Variants in CACNA1B observed in about 807,000 individuals in gnomAD.
The protein encoded by CACNA1B is calcium voltage-gated channel subunit alpha1 B.
In CACNA1B, 70 loss-of-function variants were observed where a neutral mutation model predicts 247.2. That is an observed-to-expected ratio of 0.28 (90% CI 0.23 to 0.35). The LOEUF is 0.35. CACNA1B is among the 10% of genes least tolerant of loss of function. CACNA1B has a pLI of 1.00. For missense variants in CACNA1B, 2,367 were observed against 3,197.4 expected, an observed-to-expected ratio of 0.74 and a Z score of 6.26; for synonymous variants, 1,231 against 1,294.4, an observed-to-expected ratio of 0.95 and a Z score of 1.05.
At chr9:138,013,406 G>T (rs1246937254) in intron 18 of CACNA1B, among the ~76,000 whole-genome samples, 171 bp downstream of exon 18, 1 of 152,090 alleles carries the variant, frequency 6.6e-6, no homozygotes, top group African/African-American at 2.4e-5. Context: ...GGGGCTCCAG[G>T]GCTTTTTCTC....
At position 138,072,222 on chromosome 9, in the gene CACNA1B, C is replaced by G. The variant is rs564372254; in HGVS notation, c.4675-1266C>G. On this transcript the variant is annotated intron_variant, in intron 32 of 46. Transcript: ENST00000371372. This position sits in a 1 kb window ranked among gnomAD's most constrained non-coding sequence, Gnocchi z 4.5. ...TCCTGCTCCCACAGTTGCAGCATCCCGCCTGAGAGCCAGTACCTCGAGTTG... is the reference window on the plus strand; with the variant it reads ...TCCTGCTCCCACAGTTGCAGCATCCGGCCTGAGAGCCAGTACCTCGAGTTG... Among the ~76,000 whole-genome samples, 1 of 152,316 alleles carries G rather than the reference C, an allele frequency of 6.6e-6. No individual in the cohort carries two copies. The highest frequency in any genetic ancestry group is 2.4e-5 in the African/African-American group (1 of 41,586).
intron 36 of CACNA1B, among the ~76,000 whole-genome samples, chr9:138,091,378 G>A (rs1192990064): frequency 6.6e-6 from 1 of 152,196 alleles, no homozygotes; most frequent in African/African-American, 2.4e-5. Context: ...GGTTACTAGA[G>A]GCAGGGAAGG....
In CACNA1B at chr9:137,971,806, CAGAA is replaced by C. The variant is rs1004292880; in HGVS notation, c.1543+217_1543+220del. Among the ~76,000 whole-genome samples, 1 of 152,144 alleles carries C rather than the reference CAGAA, an allele frequency of 6.6e-6. No individual in the cohort carries two copies. Among genetic ancestry groups the C allele is most frequent in the Non-Finnish European group, 1.5e-5 (1 of 68,014 alleles). On this transcript the variant is annotated intron_variant, in intron 11 of 46. Coordinates refer to ENST00000371372, the MANE Select transcript of CACNA1B (RefSeq NM_000718.4). This position sits in a 1 kb window ranked among gnomAD's most constrained non-coding sequence, Gnocchi z 4.4. ...GGTGGCCTCTCCAGCCCCTGGGTTCCAGAAAGCACAGCTGGATCTGCTAGACCCC... is the reference window on the plus strand; with the variant it reads ...GGTGGCCTCTCCAGCCCCTGGGTTCCAGCACAGCTGGATCTGCTAGACCCC...
chr9:137,905,591 A>G (rs1478777811), intron 3 of CACNA1B, among the ~76,000 whole-genome samples: 3 of 152,182 alleles, frequency 2.0e-5, no homozygotes, highest in Non-Finnish European at 2.9e-5. Context: ...ATTTGCTTCA[A>G]TGGTTCAATA....
At chr9:137,960,704 G>A (rs1445097833) in intron 10 of CACNA1B, among the ~76,000 whole-genome samples, 3 of 152,012 alleles carry the variant, frequency 2.0e-5, no homozygotes, top group Admixed American at 6.5e-5. Flanking sequence ...GCTGTCGGTA[G>A]CGGTCGAGGA....
chr9:138,040,389 C>T (rs1959103071), intron 20 of CACNA1B, among the ~76,000 whole-genome samples: 1 of 151,694 alleles, frequency 6.6e-6, no homozygotes, highest in Non-Finnish European at 1.5e-5. Flanking sequence ...TCATATATGA[C>T]TGATCTTAAT....
At chr9:137,936,793 T>C (rs966566877) in intron 6 of CACNA1B, among the ~76,000 whole-genome samples, 3 of 152,332 alleles carry the variant, frequency 2.0e-5, no homozygotes, top group African/African-American at 7.2e-5. Flanking sequence ...TGGTTGTAGA[T>C]GTATGGTGTT....
In CACNA1B at chr9:137,928,806, T is replaced by G. The variant is rs141956456; in HGVS notation, c.966+11375T>G. 4.8e-3 allele frequency among the ~76,000 whole-genome samples: 731 copies of G among 152,302 alleles called. 9 individuals carry two copies. The highest frequency in any genetic ancestry group is 0.016 in the African/African-American group (682 of 41,550). On this transcript the variant is annotated intron_variant, in intron 6 of 46. Transcript: ENST00000371372. Reference sequence around the variant, plus strand: ...TCCCTATTTCCTTATTCCCACAGCCTCTGGCAAGCACTAACCTTTCTGTCT... The same window carrying G: ...TCCCTATTTCCTTATTCCCACAGCCGCTGGCAAGCACTAACCTTTCTGTCT...
In CACNA1B at chr9:137,986,880, C is replaced by T. The variant is rs751475813; in HGVS notation, c.1974+26C>T. ...GTAAGGCACCTGCTCTGCACATTTG[C>T]GGCCTGCCCGGCTCCCGTCTCCCCT... On this transcript the variant is annotated intron_variant, in intron 15 of 46. Coordinates refer to ENST00000371372, the MANE Select transcript of CACNA1B (RefSeq NM_000718.4). The surrounding 1 kb of genome is among the most constrained non-coding windows in gnomAD (Gnocchi z 6.0). The T allele has an allele frequency of 1.2e-5, 19 of 1,553,260 alleles. No homozygotes were observed. Among genetic ancestry groups the T allele is most frequent in the African/African-American group, 2.7e-5 (2 of 73,376 alleles).
chr9:137,940,142 G>T (rs1398228069), intron 6 of CACNA1B, among the ~76,000 whole-genome samples: 1 of 152,044 alleles, frequency 6.6e-6, no homozygotes, highest in Admixed American at 6.6e-5. Context: ...CTAGTTCTTT[G>T]ATAAGGTAAA....
At chr9:137,987,948 T>A (rs1229889132) in intron 15 of CACNA1B, among the ~76,000 whole-genome samples, 3 of 152,232 alleles carry the variant, frequency 2.0e-5, no homozygotes, top group African/African-American at 4.8e-5. Context: ...GCTGTTGTCA[T>A]CCCTTCTTCC....
intron 15 of CACNA1B, among the ~76,000 whole-genome samples, chr9:137,992,931 A>T (rs550646334): frequency 6.6e-6 from 1 of 152,208 alleles, no homozygotes; most frequent in Admixed American, 6.5e-5. Context: ...CTCCTGAATG[A>T]TTTTTGGGTT....
intron 10 of CACNA1B, among the ~76,000 whole-genome samples, chr9:137,960,281 C>G (rs1439783912): frequency 9.0e-6 from 1 of 110,774 alleles, no homozygotes; most frequent in Non-Finnish European, 1.9e-5. Context: ...AAGGGAGGTC[C>G]GGGGAGAGGG....
chr9:138,057,602 T>C lies in CACNA1B; in HGVS notation c.3969-130T>C, dbSNP rs1589101912. The stretch of plus-strand genomic sequence containing the variant: ...ACATTCATTCTTCTGCATGTGGACA[T>C]CCAGTTTTCCCAGCACAGTCTGTTG... On this transcript the variant is annotated intron_variant, in intron 26 of 46. Transcript: ENST00000371372. The surrounding 1 kb of genome is among the most constrained non-coding windows in gnomAD (Gnocchi z 4.0). 1.3e-6 allele frequency: 1 copy of C among 796,866 alleles called. No individual in the cohort carries two copies. Among genetic ancestry groups the C allele is most frequent in the South Asian group, 2.1e-5 (1 of 46,670 alleles). 49.4% of individuals were successfully genotyped at this position (796,866 alleles called of 1,614,324 possible).
rs377215803 is a variant in CACNA1B at position 137,919,800 on chromosome 9, G to A, written c.966+2369G>A. 4.0e-4 allele frequency among the ~76,000 whole-genome samples: 61 copies of A among 152,296 alleles called. 1 individual carries two copies. The East Asian group carries it at 9.3e-3, about 23-fold the overall frequency. ...GCAGCCAGGACCGGGTGAGTGATGG[G>A]GTCTCAGAGTGGATTGCTGAAAAGC... On this transcript the variant is annotated intron_variant, in intron 6 of 46. Transcript: ENST00000371372. This position sits in a 1 kb window ranked among gnomAD's most constrained non-coding sequence, Gnocchi z 4.6.
Position 137,881,114 on chromosome 9 carries a change from A to G in CACNA1B, c.391-1630A>G, listed in dbSNP as rs1444278760. Among the ~76,000 whole-genome samples the G allele has an allele frequency of 6.6e-6, 1 of 152,112 alleles. No homozygotes were observed. The highest frequency in any genetic ancestry group is 6.5e-5 in the Admixed American group (1 of 15,276). On this transcript the variant is annotated intron_variant, in intron 2 of 46. Coordinates refer to ENST00000371372, the MANE Select transcript of CACNA1B (RefSeq NM_000718.4). This position sits in a 1 kb window ranked among gnomAD's most constrained non-coding sequence, Gnocchi z 4.3. ...CGTCGGGCCTGTTCTCTTTTTCACC[A>G]GGAAGTTTCCTGTGAAGATCTCTGT... is the stretch of plus-strand genomic sequence containing the variant.
intron 40 of CACNA1B, 36 bp from the exon 41 acceptor site, chr9:138,114,342 C>T: frequency 9.4e-7 from 1 of 1,060,296 alleles, no homozygotes; most frequent in Non-Finnish European, 1.4e-6. Flanking sequence ...TCCTCTGCCC[C>T]CTTCTCCGAA....
At chr9:137,938,064 C>CCAA (rs1957691022) in intron 6 of CACNA1B, among the ~76,000 whole-genome samples, 1 of 151,468 alleles carries the variant, frequency 6.6e-6, no homozygotes, top group Non-Finnish European at 1.5e-5. Context: ...AGCAGATTTC[C>CCAA]CAACAGAAAC....
At chr9:138,080,282 T>C (rs1960481817) in intron 36 of CACNA1B, among the ~76,000 whole-genome samples, 1 of 152,064 alleles carries the variant, frequency 6.6e-6, no homozygotes, top group Non-Finnish European at 1.5e-5. Context: ...TGAGGGGCAA[T>C]GCCACTGGAT....
Sources: gnomAD v4.1 joint callset for allele counts (sites outside exome capture counted in the v4.1 genomes callset) on GRCh38, gnomAD v4.1.1 for gene constraint, Gnocchi (gnomAD v3.1) non-coding constraint, MANE v1.5 for transcripts, NCBI Gene and HGNC (gene_info 2026-07-23, HGNC 2026-07-21) for gene names.